Variants in CDH10 observed in about 807,000 individuals in gnomAD.
The protein encoded by CDH10 is cadherin-10.
A neutral mutation model predicts 73.1 loss-of-function variants in CDH10; 30 were observed. The observed-to-expected ratio is 0.41, with a 90% CI of 0.31 to 0.56. The LOEUF (loss-of-function observed/expected upper bound fraction) is 0.56, where lower values mean the gene tolerates loss of function less well. CDH10 is among the 20% of genes least tolerant of loss of function. The probability of loss-of-function intolerance (pLI) is 0.27; values close to 1 mark genes in which losing one functional copy is unlikely to be tolerated. For synonymous variants in CDH10, 345 were observed against 348.2 expected (o/e 0.99, Z 0.10); for missense variants, 815 against 973.7 (o/e 0.84, Z 2.17).
intron 7 of CDH10, among the ~76,000 whole-genome samples, chr5:24,508,294 GAAAC>G (rs1285442853): frequency 6.6e-6 from 1 of 152,162 alleles, no homozygotes; most frequent in African/African-American, 2.4e-5. Flanking sequence ...AAGTGTCATT[GAAAC>G]ATTGATTCTT....
chr5:24,555,142 C>T (rs1744720823), intron 2 of CDH10, among the ~76,000 whole-genome samples: 1 of 152,044 alleles, frequency 6.6e-6, no homozygotes, highest in Non-Finnish European at 1.5e-5. Flanking sequence ...ATGTTCTTTA[C>T]TCTTCTCTGA....
chr5:24,530,552 TATA>T (rs1418839916), intron 5 of CDH10, among the ~76,000 whole-genome samples: 6 of 152,154 alleles, frequency 3.9e-5, no homozygotes, highest in African/African-American at 1.4e-4. Context: ...AGTATGGAAG[TATA>T]ATATTTTTCT....
chr5:24,640,332 T>A (rs1748005945), intron 1 of CDH10, among the ~76,000 whole-genome samples: 1 of 151,562 alleles, frequency 6.6e-6, no homozygotes, highest in South Asian at 2.1e-4. Flanking sequence ...AGGGAGAAGA[T>A]GACCTGCTAA....
rs1264817272 is a variant in CDH10, at chr5:24,618,762, CCTTTGTTTAATTTGACTTCCTGGT to C, written c.-123-25173_-123-25150del. On this transcript the variant is annotated intron_variant, in intron 1 of 11. Coordinates refer to ENST00000264463, the MANE Select transcript of CDH10 (RefSeq NM_006727.5). ...AATGTTTATACATAATCATGAAACTCCTTTGTTTAATTTGACTTCCTGGTCTTTGTTTAATTTGACTTCCTGGTC... is the reference window on the plus strand; with the variant it reads ...AATGTTTATACATAATCATGAAACTCCTTTGTTTAATTTGACTTCCTGGTC... 3.9e-5 allele frequency among the ~76,000 whole-genome samples: 6 copies of C among 152,232 alleles called. No homozygotes were observed. In the East Asian group the frequency reaches 5.8e-4, roughly 15 times the overall value.
At chr5:24,578,511 C>T in intron 2 of CDH10, 2 of 343,848 alleles carry the variant, frequency 5.8e-6, no homozygotes, top group Admixed American at 3.2e-5. Context: ...TATCTTTCTG[C>T]TATACTCTGA....
At chr5:24,493,810 C>T (rs150732962) in intron 9 of CDH10, among the ~76,000 whole-genome samples, 1 of 151,968 alleles carries the variant, frequency 6.6e-6, no homozygotes, top group East Asian at 1.9e-4. Flanking sequence ...AAGCAATACA[C>T]TTTTTACTGC....
rs1742111658 is a variant in CDH10 at position 24,492,844 on chromosome 5, G to T, written c.1597C>A (p.Pro533Thr). The change falls in exon 10 of 12, where the codon CCA becomes ACA. Residue 533 changes from proline (P) to threonine (T), a missense_variant. By Grantham distance (38) the Pro-to-Thr change is conservative. Coordinates refer to ENST00000264463, the MANE Select transcript of CDH10 (RefSeq NM_006727.5). ...KFFFSLAAVNPNFTVQDNEDN... is the reference protein window; with the variant it reads ...KFFFSLAAVNTNFTVQDNEDN... ...TCATTATCCTGTACTGTGAAGTTTG[G>T]ATTGACAGCAGCTAAACTGAAAAAA... The T allele has an allele frequency of 6.5e-7, 1 of 1,536,770 alleles. No homozygotes were observed. The highest frequency in any genetic ancestry group is 9.0e-7 in the Non-Finnish European group (1 of 1,109,864).
intron 2 of CDH10, among the ~76,000 whole-genome samples, chr5:24,556,819 A>G (rs1295170521): frequency 4.0e-5 from 6 of 151,860 alleles, no homozygotes; most frequent in African/African-American, 1.4e-4. Flanking sequence ...TATATAATAA[A>G]GTTAATTGAG....
chr5:24,533,622 T>C (rs987026911), intron 5 of CDH10, among the ~76,000 whole-genome samples: 1 of 152,088 alleles, frequency 6.6e-6, no homozygotes, highest in African/African-American at 2.4e-5. Flanking sequence ...TTAGTTATGG[T>C]TTATTGTGCT....
At chr5:24,613,091 AT>A (rs1208854008) in intron 1 of CDH10, 1 of 152,070 alleles carries the variant, frequency 6.6e-6, no homozygotes, top group Non-Finnish European at 1.5e-5. Flanking sequence ...AAAATGTTAA[AT>A]AATGCAATAT....
intron 2 of CDH10, among the ~76,000 whole-genome samples, chr5:24,592,827 T>C (rs1440851242): frequency 6.6e-6 from 1 of 151,816 alleles, no homozygotes; most frequent in Non-Finnish European, 1.5e-5. Context: ...TTGATGACAT[T>C]TGCTTTCTCG....
At chr5:24,594,530 C>T (rs1746306949) in intron 1 of CDH10, among the ~76,000 whole-genome samples, 2 of 151,886 alleles carry the variant, frequency 1.3e-5, no homozygotes, top group Non-Finnish European at 2.9e-5. Context: ...TCACTGCTGT[C>T]CACCTCTCTG....
chr5:24,571,263 T>C (rs1745370545), intron 2 of CDH10, among the ~76,000 whole-genome samples: 1 of 152,062 alleles, frequency 6.6e-6, no homozygotes, highest in African/African-American at 2.4e-5. Context: ...TTGAAGATTG[T>C]AGAGATAAAG....
chr5:24,510,155 C>T (rs867035675), intron 6 of CDH10, among the ~76,000 whole-genome samples: 21 of 152,128 alleles, frequency 1.4e-4, no homozygotes, highest in Non-Finnish European at 2.4e-4. Flanking sequence ...TGAATGTGCA[C>T]GTGCAAAGGT....
chr5:24,547,086 G>C (rs1014797899), intron 2 of CDH10, among the ~76,000 whole-genome samples: 10 of 152,202 alleles, frequency 6.6e-5, no homozygotes, highest in African/African-American at 1.9e-4. Flanking sequence ...TATGAAATTA[G>C]ATCAGTGGAC....
chr5:24,545,870 T>C (rs1371751946), intron 2 of CDH10, among the ~76,000 whole-genome samples: 1 of 151,948 alleles, frequency 6.6e-6, no homozygotes, highest in Non-Finnish European at 1.5e-5. Context: ...ACTAAAGAAG[T>C]GATAGAAATT....
intron 1 of CDH10, among the ~76,000 whole-genome samples, chr5:24,623,893 T>C (rs1166288897): frequency 6.6e-6 from 1 of 152,154 alleles, no homozygotes; most frequent in Admixed American, 6.5e-5. Flanking sequence ...ACTCAAAACT[T>C]TTTTTTGTTT....
intron 2 of CDH10, among the ~76,000 whole-genome samples, chr5:24,586,117 A>G (rs1320946977): frequency 6.6e-6 from 1 of 152,236 alleles, no homozygotes; most frequent in African/African-American, 2.4e-5. Context: ...TTGATATAAT[A>G]GTATACATTC....
chr5:24,514,338 C>T (rs1743028780), intron 5 of CDH10, among the ~76,000 whole-genome samples: 1 of 152,146 alleles, frequency 6.6e-6, no homozygotes, highest in South Asian at 2.1e-4. Context: ...TCTGTCCTGT[C>T]AGTTTCTCTC....
Sources: allele counts gnomAD v4.1 joint callset (sites outside exome capture counted in the v4.1 genomes callset), GRCh38; gene constraint gnomAD v4.1.1; transcripts MANE v1.5; gene names NCBI Gene and HGNC (gene_info 2026-07-23, HGNC 2026-07-21).